The following WIPF1 variants were observed in gnomAD, a reference collection of about 807,000 sequenced individuals.
WIPF1 encodes WAS/WASL-interacting protein family member 1.
WIPF1 carries 13 observed loss-of-function variants against 35.4 expected under a neutral mutation model. The ratio of observed to expected loss-of-function variants is 0.37; its 90% confidence interval spans 0.24 to 0.58. The LOEUF (loss-of-function observed/expected upper bound fraction) is 0.58, where lower values mean the gene tolerates loss of function less well. WIPF1 is among the 20% of genes least tolerant of loss of function. The pLI, the probability that WIPF1 is intolerant of heterozygous loss-of-function variation, is 0.74. For missense variants in WIPF1, 591 were observed against 667.0 expected (o/e 0.89, Z 1.25); for synonymous variants, 267 against 266.3 (o/e 1.00, Z -0.02).
In WIPF1 at chr2:174,634,065, C is replaced by T. The variant is rs528971391; in HGVS notation, c.-38-48454G>A. On this transcript the variant is annotated intron_variant, in intron 1 of 8. Coordinates refer to the WIPF1 transcript ENST00000272746. ...TGAGTTTTATGAGATGAAAACCCCACAAAACAACAAACTTTTGCATATAAC... is the reference window on the plus strand; with the variant it reads ...TGAGTTTTATGAGATGAAAACCCCATAAAACAACAAACTTTTGCATATAAC... 7.9e-5 allele frequency among the ~76,000 whole-genome samples: 12 copies of T among 152,292 alleles called. 1 individual carries two copies. The highest frequency in any genetic ancestry group is 2.9e-4 in the African/African-American group (12 of 41,566).
rs183472199 is a variant in WIPF1 at position 174,662,182 on chromosome 2, G to A, written c.-39+20592C>T. On this transcript the variant is annotated intron_variant, in intron 1 of 8. Transcript: ENST00000272746. ...ATCCTTCAGTATATTTTAAAGCATC[G>A]CTAGATTACTTATAATACCTAATGT... Among the ~76,000 whole-genome samples, 5 of 152,262 alleles carry A rather than the reference G, an allele frequency of 3.3e-5. No homozygotes were observed. In the East Asian group the frequency reaches 7.7e-4, roughly 23 times the overall value.
intron 1 of WIPF1, among the ~76,000 whole-genome samples, chr2:174,605,448 A>G (rs6743563): frequency 0.032 from 4,820 of 152,208 alleles, 291 homozygotes; most frequent in African/African-American, 0.11. Context: ...AAACAAACAA[A>G]CAAACAAAAG....
intron 1 of WIPF1, among the ~76,000 whole-genome samples, chr2:174,603,231 A>G (rs1167907836): frequency 6.6e-6 from 1 of 152,228 alleles, no homozygotes; most frequent in Non-Finnish European, 1.5e-5. Flanking sequence ...GAATCTATCT[A>G]TAACTGAAGA....
In WIPF1 at chr2:174,606,440, T is replaced by C. The variant is rs1269969516; in HGVS notation, c.-38-20829A>G. 5.3e-5 allele frequency among the ~76,000 whole-genome samples: 8 copies of C among 152,356 alleles called. No individual in the cohort carries two copies. The East Asian group carries it at 1.3e-3, about 26-fold the overall frequency. On this transcript the variant is annotated intron_variant, in intron 1 of 8. Transcript: ENST00000272746. ...CAGAAACTGGTGTTTACTTTACTAC[T>C]GGCAGCACTTCAAGTGCTCCAGAGC...
intron 1 of WIPF1, among the ~76,000 whole-genome samples, chr2:174,612,744 A>G (rs969422868): frequency 6.6e-6 from 1 of 152,152 alleles, no homozygotes; most frequent in South Asian, 2.1e-4. Context: ...CATTATTAGT[A>G]TATCTTACTC....
At chr2:174,635,570 A>G (rs184206241) in intron 1 of WIPF1, among the ~76,000 whole-genome samples, 18 of 131,150 alleles carry the variant, frequency 1.4e-4, no homozygotes, top group African/African-American at 4.7e-4. Context: ...TCTCTCAGCC[A>G]TCAGGAGGGT....
At chr2:174,583,569 G>C (rs1170755239) in intron 2 of WIPF1, among the ~76,000 whole-genome samples, 1 of 152,060 alleles carries the variant, frequency 6.6e-6, no homozygotes, top group African/African-American at 2.4e-5. Flanking sequence ...CCAAAATCTT[G>C]CTTTGAATTA....
rs541481340 is a variant in WIPF1 at position 174,607,155 on chromosome 2, C to T, written c.-38-21544G>A. Among the ~76,000 whole-genome samples the T allele has an allele frequency of 2.6e-5, 4 of 152,292 alleles. No individual in the cohort carries two copies. In the South Asian group the frequency reaches 8.3e-4, roughly 32 times the overall value. ...TAATCATCTCTTAAAGGTTCCACCT[C>T]TCCTTTGGGAGGCTGAGGCAGGCGG... is the stretch of plus-strand genomic sequence containing the variant. On this transcript the variant is annotated intron_variant, in intron 1 of 8. Transcript: ENST00000272746.
At position 174,639,547 on chromosome 2, in the gene WIPF1, ATTTGTTTTTGGTTTT is replaced by A. The variant is rs556581936; in HGVS notation, c.-39+43212_-39+43226del. ...AGTTTTGCCTGTTTTAAATCAAGTT[ATTTGTTTTTGGTTTT>A]TTTGTTTTTGGTTTTTTTTGCTATT... On this transcript the variant is annotated intron_variant, in intron 1 of 8. Transcript: ENST00000272746. Among the ~76,000 whole-genome samples, 418 of 151,786 alleles carry A rather than the reference ATTTGTTTTTGGTTTT, an allele frequency of 2.8e-3. 1 individual carries two copies. The highest frequency in any genetic ancestry group is 6.6e-3 in the African/African-American group (275 of 41,370).
chr2:174,568,130 G>T (rs1684723404), intron 5 of WIPF1, 57 bp from the exon 6 acceptor site: 7 of 1,542,708 alleles, frequency 4.5e-6, no homozygotes, highest in Non-Finnish European at 6.1e-6. Context: ...CATTACCGTG[G>T]TCACCATTGG....
chr2:174,665,457 C>A (rs934798051), intron 1 of WIPF1: 1 of 152,244 alleles, frequency 6.6e-6, no homozygotes, highest in Non-Finnish European at 1.5e-5. Flanking sequence ...GTAAGGAAAA[C>A]CATTTCTAGG....
At chr2:174,644,972 G>A (rs1687374155) in intron 1 of WIPF1, among the ~76,000 whole-genome samples, 1 of 152,224 alleles carries the variant, frequency 6.6e-6, no homozygotes, top group South Asian at 2.1e-4. Flanking sequence ...TTTTTTATGT[G>A]TTTGAATGAA....
chr2:174,672,740 CCT>C (rs1688047204), intron 1 of WIPF1, among the ~76,000 whole-genome samples: 2 of 152,184 alleles, frequency 1.3e-5, no homozygotes. Context: ...CCATCTTCTC[CCT>C]GTTCCTGCAG....
intron 1 of WIPF1, among the ~76,000 whole-genome samples, chr2:174,587,175 A>G (rs191252943): frequency 2.0e-5 from 3 of 151,864 alleles, no homozygotes; most frequent in Admixed American, 2.0e-4. Flanking sequence ...ACGCCTGGCT[A>G]ATTTATTTTT....
intron 1 of WIPF1, among the ~76,000 whole-genome samples, chr2:174,649,122 AG>A (rs1275543013): frequency 6.6e-6 from 1 of 152,162 alleles, no homozygotes; most frequent in African/African-American, 2.4e-5. Context: ...ATGAATCTGC[AG>A]GTTCTTCTTC....
intron 1 of WIPF1, among the ~76,000 whole-genome samples, chr2:174,644,041 TTTTG>T (rs1381429461): frequency 6.6e-6 from 1 of 152,182 alleles, no homozygotes; most frequent in Non-Finnish European, 1.5e-5. Flanking sequence ...TCACATTTAT[TTTTG>T]TTTAACTTAT....
At chr2:174,607,505 C>T (rs1686208328) in intron 1 of WIPF1, among the ~76,000 whole-genome samples, 1 of 152,232 alleles carries the variant, frequency 6.6e-6, no homozygotes. Context: ...CAAACTACAG[C>T]ATTCACGGAC....
chr2:174,586,022 C>T (rs1164368104), intron 1 of WIPF1, among the ~76,000 whole-genome samples: 5 of 152,216 alleles, frequency 3.3e-5, no homozygotes, highest in African/African-American at 1.2e-4. Context: ...GCTCTCCCAC[C>T]CCCTCTGGCT....
At position 174,581,419 on chromosome 2, in the gene WIPF1, G is replaced by A; in HGVS notation, c.72C>T (p.Thr24=). The A allele has an allele frequency of 2.5e-6, 4 of 1,613,858 alleles. No individual in the cohort carries two copies. The Middle Eastern group carries it at 4.9e-4, about 200-fold the overall frequency. The change falls in exon 3 of 8, where the codon ACC becomes ACT. Residue 24 remains threonine (T), a synonymous_variant. Transcript: ENST00000679041. ...TFALANTEKP[T]LNKTEQAGRN... is the part of the protein sequence containing the mutation. ...TCCCAGCCTGCTCTGTCTTATTCAA[G>A]GTAGGCTTCTCTGTATTGGCCTGAA...
Sources: allele counts gnomAD v4.1 joint callset (sites outside exome capture counted in the v4.1 genomes callset), GRCh38; gene constraint gnomAD v4.1.1; transcripts MANE v1.5; gene names NCBI Gene and HGNC (gene_info 2026-07-23, HGNC 2026-07-21).